The following CROCC variants were observed in gnomAD, a reference collection of about 807,000 sequenced individuals.
The protein encoded by CROCC is ciliary rootlet coiled-coil, rootletin.
A neutral mutation model predicts 245.2 loss-of-function variants in CROCC; 180 were observed. The ratio of observed to expected loss-of-function variants is 0.73; its 90% confidence interval spans 0.65 to 0.83. CROCC has a LOEUF of 0.83. Among genes scored for constraint, CROCC ranks in the 40% least tolerant of loss-of-function variants. The probability of loss-of-function intolerance (pLI) is 0.00; values close to 1 mark genes in which losing one functional copy is unlikely to be tolerated. For missense variants in CROCC, 2,688 were observed against 2,779.4 expected (o/e 0.97, Z 0.74); for synonymous variants, 1,205 against 1,241.6 (o/e 0.97, Z 0.62).
intron 23 of CROCC, 121 bp from the exon 24 acceptor site, chr1:16,955,191 G>A: frequency 1.1e-6 from 1 of 921,494 alleles, no homozygotes; most frequent in Non-Finnish European, 1.7e-6. Context: ...CTCACAGCCT[G>A]CGGTCTGAGC....
At chr1:16,932,592 A>G (rs1053956022) in intron 8 of CROCC, among the ~76,000 whole-genome samples, 3 of 152,246 alleles carry the variant, frequency 2.0e-5, no homozygotes, top group African/African-American at 7.2e-5. Flanking sequence ...CAGAGCCTCA[A>G]GGGATGGGTA....
At chr1:16,938,019 C>A (rs571331494) in intron 10 of CROCC, among the ~76,000 whole-genome samples, 11 of 152,394 alleles carry the variant, frequency 7.2e-5, no homozygotes, top group African/African-American at 2.6e-4. Context: ...GCGGGAGAGT[C>A]GGGACTTGAA....
intron 8 of CROCC, 96 bp from the exon 9 acceptor site, chr1:16,936,541 T>G: frequency 3.2e-6 from 4 of 1,262,856 alleles, no homozygotes; most frequent in Non-Finnish European, 4.3e-6. Context: ...AGTGCTGGGA[T>G]TATAGGTGTG....
intron 3 of CROCC, among the ~76,000 whole-genome samples, chr1:16,929,251 ATG>A (rs1256966911): frequency 6.6e-6 from 1 of 152,274 alleles, no homozygotes; most frequent in Non-Finnish European, 1.5e-5. Flanking sequence ...GGTTGCCTGT[ATG>A]TGTTATGTGT....
rs1488837154 is a variant in CROCC at position 16,946,795 on chromosome 1, A to G, written c.2318A>G (p.Gln773Arg). 1 of 1,552,116 alleles carries G rather than the reference A, an allele frequency of 6.4e-7. No homozygotes were observed. The highest frequency in any genetic ancestry group is 1.4e-5 in the African/African-American group (1 of 73,284). Residue 773 changes from glutamine to arginine, a missense_variant, in exon 17 of 37, where the codon CAA becomes CGA. By Grantham distance (43) the Gln-to-Arg change is conservative. Transcript: ENST00000375541. ...EEEKSALQGRQRQAEQEATVA... is the reference protein window; with the variant it reads ...EEEKSALQGRRRQAEQEATVA... ...GAAAAGTCCGCCCTGCAGGGCCGGC[A>G]ACGGCAGGCAGAGCAGGAGGCCACA...
intron 1 of CROCC, 91 bp downstream of exon 1, chr1:16,922,169 A>AG: frequency 7.8e-7 from 1 of 1,277,236 alleles, no homozygotes; most frequent in Non-Finnish European, 1.1e-6. Context: ...TTGGGGATCA[A>AG]GGGGTGGGAG....
intron 13 of CROCC, among the ~76,000 whole-genome samples, chr1:16,941,977 G>A (rs1158660729): frequency 1.3e-5 from 2 of 152,200 alleles, no homozygotes; most frequent in Non-Finnish European, 2.9e-5. Flanking sequence ...GCTGGGATTA[G>A]AGGCATAAGC....
chr1:16,933,398 C>A (rs538072778), intron 8 of CROCC, among the ~76,000 whole-genome samples: 1 of 152,152 alleles, frequency 6.6e-6, no homozygotes, highest in Non-Finnish European at 1.5e-5. Flanking sequence ...ACCCAGGAGG[C>A]GGAGGTTTCA....
intron 31 of CROCC, 49 bp downstream of exon 31, chr1:16,968,467 A>T (rs2076457716): frequency 1.4e-6 from 2 of 1,439,646 alleles, no homozygotes; most frequent in Admixed American, 2.8e-5. Flanking sequence ...GCCCTGTGCC[A>T]AGAGCTTTGT....
chr1:16,941,115 C>A (rs1222902055), intron 13 of CROCC: 14 of 177,622 alleles, frequency 7.9e-5, no homozygotes, highest in Non-Finnish European at 1.6e-4. Context: ...CCCACCTCAG[C>A]CTCCCAAATT....
rs138551356 is a variant in CROCC, at chr1:16,966,994, G to A, written c.4860+423G>A. Reference sequence around the variant, plus strand: ...CACTGGAGCCCGGTAGGTCGAGGCTGCAATGAGCTGTGATCATGCCACTGC... The same window carrying A: ...CACTGGAGCCCGGTAGGTCGAGGCTACAATGAGCTGTGATCATGCCACTGC... On this transcript the variant is annotated intron_variant, in intron 30 of 36. Transcript: ENST00000375541. This position sits in a 1 kb window ranked among gnomAD's most constrained non-coding sequence, Gnocchi z 4.8. 1.4e-3 allele frequency among the ~76,000 whole-genome samples: 214 copies of A among 152,098 alleles called. 1 individual carries two copies. The highest frequency in any genetic ancestry group is 5.0e-3 in the African/African-American group (208 of 41,500).
Position 16,969,316 on chromosome 1 carries a change from T to C in CROCC, c.5277T>C (p.Cys1759=), listed in dbSNP as rs1486045257. The part of the protein sequence containing the change: ...NLHLQKALTA[C]EHDRQVLQER... Reference sequence around the variant, plus strand: ...ATCTGCAGAAGGCTCTGACCGCCTGTGAACATGACCGCCAAGTACTCCAGG... The same window carrying C: ...ATCTGCAGAAGGCTCTGACCGCCTGCGAACATGACCGCCAAGTACTCCAGG... Residue 1759 remains cysteine, a synonymous_variant, in exon 32 of 37, where the codon TGT becomes TGC. Transcript: ENST00000375541. 30 of 1,611,942 alleles carry C rather than the reference T, an allele frequency of 1.9e-5. No homozygotes were observed. The East Asian group carries it at 6.7e-4, about 36-fold the overall frequency.
chr1:16,966,968 T>C lies in CROCC; in HGVS notation c.4860+397T>C, dbSNP rs1339645160. On this transcript the variant is annotated intron_variant, in intron 30 of 36. Transcript: ENST00000375541. The surrounding 1 kb of genome is among the most constrained non-coding windows in gnomAD (Gnocchi z 4.8). Reference sequence around the variant, plus strand: ...TACTCGGGAGGCTGAGGTGGGAAGATCACTGGAGCCCGGTAGGTCGAGGCT... The same window carrying C: ...TACTCGGGAGGCTGAGGTGGGAAGACCACTGGAGCCCGGTAGGTCGAGGCT... Among the ~76,000 whole-genome samples, 2 of 151,472 alleles carry C rather than the reference T, an allele frequency of 1.3e-5. No homozygotes were observed. Among genetic ancestry groups the C allele is most frequent in the Non-Finnish European group, 2.9e-5 (2 of 67,920 alleles).
At position 16,955,531 on chromosome 1, in the gene CROCC, G is replaced by A. The variant is rs200925849; in HGVS notation, c.3685G>A (p.Ala1229Thr). 1 of 1,553,630 alleles carries A rather than the reference G, an allele frequency of 6.4e-7. No homozygotes were observed. Among genetic ancestry groups the A allele is most frequent in the East Asian group, 2.3e-5 (1 of 43,980 alleles). The change falls in exon 24 of 37, where the codon GCA (alanine) becomes ACA (threonine). Residue 1229 changes from alanine (A) to threonine (T), a missense_variant. Ala to Thr is a moderately conservative substitution (Grantham distance 58). Transcript: ENST00000375541. Reference sequence around the variant, plus strand: ...GGAGCTTCGGTCTGCTGTGAAGAAGGCAGAGAGCGAGCGCATCAGGTGGGG... The same window carrying A: ...GGAGCTTCGGTCTGCTGTGAAGAAGACAGAGAGCGAGCGCATCAGGTGGGG... Reference protein sequence around the residue: ...NEELRSAVKKAESERISLKLA... With the variant: ...NEELRSAVKKTESERISLKLA...
chr1:16,946,265 G>A lies in CROCC; in HGVS notation c.2143G>A (p.Ala715Thr). Residue 715 changes from alanine to threonine, a missense_variant, in exon 16 of 37, where the codon GCT becomes ACT. Around this residue, in one of 9 missense-constraint regions of CROCC, gnomAD observed 295 missense variants for 241.7 expected, o/e 1.22. Coordinates refer to ENST00000375541, the MANE Select transcript of CROCC (RefSeq NM_014675.5). The part of the protein sequence containing the change: ...EVAEALTKAE[A>T]GRVELELSMT... ...TCGGGGCCTGACCCTGCAGGCTGAG[G>A]CTGGCCGCGTGGAGCTCGAGCTCTC... The A allele has an allele frequency of 1.2e-6, 2 of 1,612,754 alleles. No individual in the cohort carries two copies. The highest frequency in any genetic ancestry group is 1.1e-5 in the South Asian group (1 of 90,986).
intron 8 of CROCC, among the ~76,000 whole-genome samples, chr1:16,933,312 C>A (rs1174877765): frequency 6.6e-6 from 1 of 152,250 alleles, no homozygotes; most frequent in East Asian, 1.9e-4. Flanking sequence ...ACTAAAAATA[C>A]AAAACTTATC....
At chr1:16,953,777 A>G (rs2076204416) in intron 21 of CROCC, 1 of 344,962 alleles carries the variant, frequency 2.9e-6, no homozygotes, top group East Asian at 4.9e-5. Flanking sequence ...ATGGATCCTC[A>G]TGGCTGCCTT....
intron 24 of CROCC, 88 bp downstream of exon 24, chr1:16,955,638 G>A (rs2076238836): frequency 8.6e-7 from 1 of 1,161,122 alleles, no homozygotes; most frequent in African/African-American, 1.6e-5. Flanking sequence ...TGGGGAAATT[G>A]CCCAGATACG....
Position 16,972,518 on chromosome 1 carries a change from C to T in CROCC, c.*72C>T. On this transcript the variant is annotated 3_prime_UTR_variant, in exon 37 of 37. Coordinates refer to ENST00000375541, the MANE Select transcript of CROCC (RefSeq NM_014675.5). ...GGACCCTTCTTTTGGACAGCCCCCCCACCCAGAGCCCGGTCCCTTGGGGGC... is the reference window on the plus strand; with the variant it reads ...GGACCCTTCTTTTGGACAGCCCCCCTACCCAGAGCCCGGTCCCTTGGGGGC... 6.1e-6 allele frequency: 5 copies of T among 824,878 alleles called. No individual in the cohort carries two copies. The South Asian group carries it at 1.1e-4, about 18-fold the overall frequency. 51.1% of individuals were successfully genotyped at this position (824,878 alleles called of 1,614,324 possible). A position where few individuals can be genotyped will look rare whatever the true frequency, so the allele number is the denominator to read the frequency against.
Sources: allele counts gnomAD v4.1 joint callset (sites outside exome capture counted in the v4.1 genomes callset), GRCh38; gene constraint gnomAD v4.1.1; regional missense constraint gnomAD v4.1.1; non-coding constraint Gnocchi (gnomAD v3.1); transcripts MANE v1.5; gene names NCBI Gene and HGNC (gene_info 2026-07-23, HGNC 2026-07-21).